Variants in FER1L5 observed in about 807,000 individuals in gnomAD.
The protein encoded by FER1L5 is fer-1 like family member 5, also known as fer-1-like protein 5.
A neutral mutation model predicts 279.9 loss-of-function variants in FER1L5; 187 were observed. The ratio of observed to expected loss-of-function variants is 0.67; its 90% CI spans 0.59 to 0.75. The LOEUF is 0.75. Ranked by LOEUF, FER1L5 falls within the 30% of genes least tolerant of loss-of-function variation. The probability of loss-of-function intolerance (pLI) is 0.00; values close to 1 mark genes in which losing one functional copy is unlikely to be tolerated. For synonymous variants in FER1L5, 921 were observed against 989.7 expected (o/e 0.93, Z 1.30); for missense variants, 2,091 against 2,594.4 (o/e 0.81, Z 4.21).
intron 31 of FER1L5, among the ~76,000 whole-genome samples, chr2:96,692,541 C>A (rs2077194352): frequency 6.6e-6 from 1 of 152,166 alleles, no homozygotes; most frequent in Non-Finnish European, 1.5e-5. Flanking sequence ...CAGTGGTGGC[C>A]ACTTAGCTGG....
rs974734449 is a variant in FER1L5 at position 96,647,057 on chromosome 2, C to T, written c.139-7C>T. 1.3e-6 allele frequency: 2 copies of T among 1,551,418 alleles called. No homozygotes were observed. Among genetic ancestry groups the T allele is most frequent in the African/African-American group, 2.7e-5 (2 of 73,018 alleles). On this transcript the variant is annotated splice_polypyrimidine_tract_variant and splice_region_variant and intron_variant, in intron 2 of 52. Transcript: ENST00000624922. ...GGAGGATGCTGACCTCTCTATGCCC[C>T]CCACAGACCCTAATCTGGCACCTCT...
chr2:96,704,185 TTC>T, intron 51 of FER1L5, 28 bp from the exon 52 acceptor site: 1 of 1,609,380 alleles, frequency 6.2e-7, no homozygotes, highest in Non-Finnish European at 8.5e-7. Flanking sequence ...CTCCCTGCCA[TTC>T]TCTGACATCT....
At chr2:96,695,988 G>C in intron 36 of FER1L5, 64 bp from the exon 37 acceptor site, 1 of 1,606,046 alleles carries the variant, frequency 6.2e-7, no homozygotes. Flanking sequence ...ACCCCGTGGG[G>C]TTGGTGCTTC....
At chr2:96,693,264 G>A (rs1264290052) in intron 31 of FER1L5, among the ~76,000 whole-genome samples, 1 of 152,054 alleles carries the variant, frequency 6.6e-6, no homozygotes, top group African/African-American at 2.4e-5. Flanking sequence ...CCATCTCTGT[G>A]AGGCCCAGGC....
rs1483403815 is a variant in FER1L5 at position 96,704,663 on chromosome 2, T to C, written c.6145T>C (p.Phe2049Leu). 2 of 1,614,000 alleles carry C rather than the reference T, an allele frequency of 1.2e-6. No homozygotes were observed. Among genetic ancestry groups the C allele is most frequent in the Admixed American group, 1.7e-5 (1 of 60,020 alleles). Reference sequence around the variant, plus strand: ...ACCCACAAATCACCTGAGTGATATTTTCCCAGAACTTCCAGCCCCAGGAGA... The same window carrying C: ...ACCCACAAATCACCTGAGTGATATTCTCCCAGAACTTCCAGCCCCAGGAGA... Reference protein sequence around the residue: ...PGPTNHLSDIFPELPAPGD With the variant: ...PGPTNHLSDILPELPAPGD Residue 2049 changes from phenylalanine to leucine, a missense_variant, in exon 53 of 53, where the codon TTC becomes CTC. By Grantham distance (22) the Phe-to-Leu change is conservative. Transcript: ENST00000624922.
At chr2:96,649,490 C>G (rs1192358558) in intron 4 of FER1L5, 133 bp from the exon 5 acceptor site, 5 of 776,314 alleles carry the variant, frequency 6.4e-6, no homozygotes, top group Non-Finnish European at 1.1e-5. Flanking sequence ...ATGGTGTGGC[C>G]CCATCCCATG....
chr2:96,684,489 T>G (rs2106634116), intron 20 of FER1L5, 38 bp downstream of exon 20: 1 of 1,539,638 alleles, frequency 6.5e-7, no homozygotes, highest in African/African-American at 1.4e-5. Flanking sequence ...AAGACACCTG[T>G]TTCAGAGTGT....
chr2:96,682,738 C>T (rs1450848526), intron 19 of FER1L5, among the ~76,000 whole-genome samples: 2 of 152,204 alleles, frequency 1.3e-5, no homozygotes, highest in South Asian at 2.1e-4. Context: ...CACGGTCTCA[C>T]TCTGTCACCC....
At position 96,689,213 on chromosome 2, in the gene FER1L5, T is replaced by C. The variant is rs766601278; in HGVS notation, c.2362T>C (p.Tyr788His). 6.5e-7 allele frequency: 1 copy of C among 1,549,742 alleles called. No homozygotes were observed. Among genetic ancestry groups the C allele is most frequent in the South Asian group, 1.2e-5 (1 of 83,974 alleles). The change falls in exon 25 of 53, where the codon TAT becomes CAT. Residue 788 changes from tyrosine to histidine, a missense_variant and splice_region_variant. Tyr to His is a moderately conservative substitution (Grantham distance 83). Transcript: ENST00000624922. This position sits in a 1 kb window ranked among gnomAD's most constrained non-coding sequence, Gnocchi z 4.6. ...GCCCTGACAAGCTTCCCTCCCCTAG[T>C]ATGAGAATCAGGCCAAGTATAAAGA... The part of the protein sequence containing the change: ...QGDTAVYAEM[Y>H]ENQAKYKDQW...
At chr2:96,642,972 A>C (rs1217965930) in intron 1 of FER1L5, 51 bp downstream of exon 1, 9 of 1,486,586 alleles carry the variant, frequency 6.1e-6, no homozygotes, top group Non-Finnish European at 8.1e-6. Context: ...CAGAGGCAAC[A>C]TGGATTCAGT....
At chr2:96,644,967 C>G (rs948123777) in intron 1 of FER1L5, among the ~76,000 whole-genome samples, 1 of 152,188 alleles carries the variant, frequency 6.6e-6, no homozygotes, top group Non-Finnish European at 1.5e-5. Context: ...ACAAAGATGC[C>G]TAAAACTCAG....
In FER1L5 at chr2:96,642,901, G is replaced by A; in HGVS notation, c.65G>A (p.Cys22Tyr). ...CCACTAGCCCCACTACCCAGGCCCT[G>A]CATGTCCATCGACTTCAGAGGTGAG... The part of the protein sequence containing the change: ...DPPLAPLPRP[C>Y]MSIDFRDIKK... The change falls in exon 1 of 53, where the codon TGC (cysteine) becomes TAC (tyrosine). Residue 22 changes from cysteine to tyrosine, a missense_variant. Cys to Tyr is a radical substitution (Grantham distance 194). Coordinates refer to ENST00000624922, the MANE Select transcript of FER1L5 (RefSeq NM_001293083.2). The A allele has an allele frequency of 6.4e-7, 1 of 1,551,128 alleles. No individual in the cohort carries two copies. The highest frequency in any genetic ancestry group is 8.7e-7 in the Non-Finnish European group (1 of 1,146,694).
At chr2:96,662,501 A>G (rs1157119868) in intron 13 of FER1L5, among the ~76,000 whole-genome samples, 2 of 152,132 alleles carry the variant, frequency 1.3e-5, no homozygotes, top group Admixed American at 6.5e-5. Flanking sequence ...CGTGAATGAA[A>G]CATGCCAATG....
At chr2:96,644,768 C>A (rs1361755425) in intron 1 of FER1L5, among the ~76,000 whole-genome samples, 1 of 152,190 alleles carries the variant, frequency 6.6e-6, no homozygotes, top group Admixed American at 6.5e-5. Context: ...TCCAGGCTCA[C>A]AGGGTGATGC....
intron 19 of FER1L5, among the ~76,000 whole-genome samples, chr2:96,682,562 C>T (rs2076769429): frequency 6.6e-6 from 1 of 152,236 alleles, no homozygotes; most frequent in East Asian, 1.9e-4. Flanking sequence ...TTCTCAGCTG[C>T]TCACTTTCTT....
chr2:96,653,628 T>C lies in FER1L5; in HGVS notation c.634-12T>C. The stretch of plus-strand genomic sequence containing the variant: ...GAAATCATCCACTCTACCCCAATTC[T>C]CTTTGCCTCAGATCTTCTTCCAGAA... On this transcript the variant is annotated splice_polypyrimidine_tract_variant and intron_variant, in intron 7 of 52. Transcript: ENST00000624922. 6.5e-7 allele frequency: 1 copy of C among 1,549,722 alleles called. No homozygotes were observed. The highest frequency in any genetic ancestry group is 8.7e-7 in the Non-Finnish European group (1 of 1,145,186).
intron 42 of FER1L5, 35 bp from the exon 43 acceptor site, chr2:96,699,515 C>T: frequency 1.3e-6 from 2 of 1,592,836 alleles, no homozygotes; most frequent in South Asian, 2.2e-5. Flanking sequence ...AGACATTGCC[C>T]ACATCCTCTG....
chr2:96,667,822 C>T (rs1416804357), intron 14 of FER1L5, among the ~76,000 whole-genome samples: 2 of 152,168 alleles, frequency 1.3e-5, no homozygotes, highest in Non-Finnish European at 2.9e-5. Context: ...TCAGGGCAGA[C>T]TCAGGTGTCA....
chr2:96,685,314 T>C lies in FER1L5; in HGVS notation c.1795-15T>C. 3.9e-6 allele frequency: 6 copies of C among 1,550,814 alleles called. No individual in the cohort carries two copies. The highest frequency in any genetic ancestry group is 5.2e-6 in the Non-Finnish European group (6 of 1,146,534). ...CTGAGGCGGGCTCTCTCACCATTTC[T>C]CTCCTGCTGGGCAGAAAGCCAACCT... On this transcript the variant is annotated splice_polypyrimidine_tract_variant and intron_variant, in intron 20 of 52. Coordinates refer to ENST00000624922, the MANE Select transcript of FER1L5 (RefSeq NM_001293083.2).
Sources: allele counts gnomAD v4.1 joint callset (sites outside exome capture counted in the v4.1 genomes callset), GRCh38; gene constraint gnomAD v4.1.1; non-coding constraint Gnocchi (gnomAD v3.1); transcripts MANE v1.5; gene names NCBI Gene and HGNC (gene_info 2026-07-23, HGNC 2026-07-21).